The following CPQ variants were observed in gnomAD, a reference collection of about 807,000 sequenced individuals.
CPQ encodes the protein carboxypeptidase Q, also known as Ser-Met dipeptidase.
Under a neutral mutation model 45.7 loss-of-function variants are expected in CPQ, and 37 were observed. The observed-to-expected ratio is 0.81, with a 90% CI of 0.62 to 1.07. The LOEUF (loss-of-function observed/expected upper bound fraction) is 1.07. CPQ is among the 50% of genes least tolerant of loss of function. The pLI is 0.00. For synonymous variants in CPQ, 186 were observed against 205.8 expected, an observed-to-expected ratio of 0.90 and a Z score of 0.82; for missense variants, 537 against 572.9, an observed-to-expected ratio of 0.94 and a Z score of 0.64.
intron 3 of CPQ, among the ~76,000 whole-genome samples, chr8:96,873,158 G>A (rs568501918): frequency 2.1e-4 from 32 of 151,852 alleles, no homozygotes; most frequent in Non-Finnish European, 3.8e-4. Context: ...TAAACATATC[G>A]GTTGAGTTTT....
intron 6 of CPQ, among the ~76,000 whole-genome samples, chr8:97,044,001 T>C (rs1810185269): frequency 6.6e-6 from 1 of 152,208 alleles, no homozygotes; most frequent in Non-Finnish European, 1.5e-5. Context: ...TGTGGCGTTC[T>C]CTATATTTCC....
At chr8:96,769,235 G>A (rs1158706027) in intron 1 of CPQ, among the ~76,000 whole-genome samples, 1 of 152,178 alleles carries the variant, frequency 6.6e-6, no homozygotes, top group Admixed American at 6.5e-5. Context: ...GGGGATCCAA[G>A]TCTTGGGAAA....
At chr8:96,789,164 A>G (rs759533656) in intron 2 of CPQ, among the ~76,000 whole-genome samples, 2 of 151,692 alleles carry the variant, frequency 1.3e-5, no homozygotes, top group Non-Finnish European at 2.9e-5. Context: ...TCTACTGCCT[A>G]CTTCTTTTTT....
chr8:96,701,856 T>C (rs988067584), intron 1 of CPQ, among the ~76,000 whole-genome samples: 2 of 152,196 alleles, frequency 1.3e-5, no homozygotes, highest in African/African-American at 4.8e-5. Flanking sequence ...AAGGAACTTT[T>C]GTTTGTGCAA....
At chr8:96,989,466 CGGAGG>C (rs891351585) in intron 5 of CPQ, among the ~76,000 whole-genome samples, 3 of 36,338 alleles carry the variant, frequency 8.3e-5, no homozygotes, top group Non-Finnish European at 1.9e-4. Flanking sequence ...AGGAGCAGAG[CGGAGG>C]GGAGGGGAGG....
chr8:96,856,069 T>A (rs1204823672), intron 3 of CPQ, among the ~76,000 whole-genome samples: 5 of 152,152 alleles, frequency 3.3e-5, no homozygotes, highest in Admixed American at 1.3e-4. Flanking sequence ...GCAGAGAGGT[T>A]GGCAGGGCAA....
rs757637878 is a variant in CPQ at position 96,966,000 on chromosome 8, T to G, written c.915T>G (p.Gly305=). The G allele has an allele frequency of 1.2e-6, 2 of 1,614,054 alleles. No individual in the cohort carries two copies. Among genetic ancestry groups the G allele is most frequent in the Non-Finnish European group, 1.7e-6 (2 of 1,179,960 alleles). Residue 305 remains glycine, a synonymous_variant, in exon 5 of 8, where the codon GGT becomes GGG. Transcript: ENST00000220763. ...GGCAGGGTGCCATGGATGATGGCGG[T>G]GGAGCCTTTATATCATGGGAAGCAC... ...DVGQGAMDDG[G]GAFISWEALS...
chr8:96,695,057 A>G (rs1377955525), intron 1 of CPQ, among the ~76,000 whole-genome samples: 3 of 151,292 alleles, frequency 2.0e-5, no homozygotes, highest in African/African-American at 7.3e-5. Context: ...AGGCTACAGT[A>G]ACCAAAACAG....
At chr8:96,828,707 C>T (rs1563507323) in intron 2 of CPQ, among the ~76,000 whole-genome samples, 1 of 152,058 alleles carries the variant, frequency 6.6e-6, no homozygotes, top group Non-Finnish European at 1.5e-5. Context: ...ACATTAGTCA[C>T]CTTTACAAGG....
chr8:96,992,145 T>C (rs1410031599), intron 5 of CPQ, among the ~76,000 whole-genome samples: 3 of 152,228 alleles, frequency 2.0e-5, no homozygotes, highest in African/African-American at 7.2e-5. Context: ...TTTTCTTCTT[T>C]GGTTTTTGAT....
At chr8:96,788,161 T>G (rs1230583984) in intron 2 of CPQ, among the ~76,000 whole-genome samples, 1 of 151,206 alleles carries the variant, frequency 6.6e-6, no homozygotes, top group African/African-American at 2.4e-5. Context: ...TTTTCTTTCT[T>G]CCTTTTTTTT....
chr8:96,890,925 A>G (rs1563522108), intron 4 of CPQ, among the ~76,000 whole-genome samples: 2 of 152,194 alleles, frequency 1.3e-5, no homozygotes, highest in Non-Finnish European at 2.9e-5. Context: ...AAACAGTACC[A>G]TGTATTGGAT....
intron 7 of CPQ, among the ~76,000 whole-genome samples, chr8:97,117,697 TA>T (rs1412954014): frequency 2.0e-5 from 3 of 152,106 alleles, no homozygotes; most frequent in African/African-American, 4.8e-5. Context: ...CACACCTGGC[TA>T]ATTTTTTATT....
intron 7 of CPQ, among the ~76,000 whole-genome samples, chr8:97,069,330 G>C (rs532054380): frequency 6.6e-6 from 1 of 151,954 alleles, no homozygotes; most frequent in East Asian, 1.9e-4. Flanking sequence ...GTCACCTATT[G>C]AAAATTTCAG....
chr8:97,121,016 G>T (rs972563630), intron 7 of CPQ, among the ~76,000 whole-genome samples: 1 of 152,120 alleles, frequency 6.6e-6, no homozygotes, highest in Non-Finnish European at 1.5e-5. Flanking sequence ...AGAAATTAAG[G>T]CACAGAGAAG....
intron 1 of CPQ, among the ~76,000 whole-genome samples, chr8:96,769,817 G>A (rs953563736): frequency 7.9e-5 from 12 of 151,720 alleles, no homozygotes; most frequent in Admixed American, 1.3e-4. Context: ...TTTTTGTGGG[G>A]GGTGGGTAGA....
At chr8:97,089,474 A>C (rs1811097063) in intron 7 of CPQ, among the ~76,000 whole-genome samples, 1 of 152,148 alleles carries the variant, frequency 6.6e-6, no homozygotes, top group East Asian at 1.9e-4. Context: ...TGCTAACATC[A>C]GAATAGTCCG....
chr8:97,023,718 C>T (rs939837288), intron 5 of CPQ, among the ~76,000 whole-genome samples: 3 of 152,166 alleles, frequency 2.0e-5, no homozygotes, highest in Admixed American at 1.3e-4. Flanking sequence ...ATTATCACAT[C>T]TCTTTAATCT....
chr8:96,734,726 TAAAATAAAATAAATAAAATA>T (rs1809957498), intron 1 of CPQ, among the ~76,000 whole-genome samples: 1 of 149,732 alleles, frequency 6.7e-6, no homozygotes. Flanking sequence ...TAAAATAAAA[TAAAATAAAATAAATAAAATA>T]AAATAAAATA....
Sources: gnomAD v4.1 joint callset for allele counts (sites outside exome capture counted in the v4.1 genomes callset) on GRCh38, gnomAD v4.1.1 for gene constraint, MANE v1.5 for transcripts, NCBI Gene and HGNC (gene_info 2026-07-23, HGNC 2026-07-21) for gene names.